Variants in DNAJC3 observed in about 807,000 individuals in gnomAD.
The protein encoded by DNAJC3 is DnaJ heat shock protein family (Hsp40) member C3.
A neutral mutation model predicts 68.6 loss-of-function variants in DNAJC3; 38 were observed. That is an observed-to-expected ratio of 0.55 (90% CI 0.43 to 0.73). DNAJC3 has a LOEUF of 0.73. Ranked by LOEUF, DNAJC3 falls within the 30% of genes least tolerant of loss-of-function variation. The pLI is 0.00. For missense variants in DNAJC3, 526 were observed against 591.9 expected (o/e 0.89, Z 1.16); for synonymous variants, 203 against 204.0 (o/e 1.00, Z 0.04).
At chr13:95,760,938 AC>A in intron 7 of DNAJC3, 140 bp downstream of exon 7, 1 of 1,209,992 alleles carries the variant, frequency 8.3e-7, no homozygotes, top group Non-Finnish European at 1.1e-6. Context: ...TAGCAAAACT[AC>A]CAGAATTGGA....
rs1367405821 is a variant in DNAJC3, at chr13:95,794,513, A to C, written c.*3483A>C. On this transcript the variant is annotated 3_prime_UTR_variant, in exon 12 of 12. Coordinates refer to ENST00000602402, the MANE Select transcript of DNAJC3 (RefSeq NM_006260.5). ...GAAGAAGGCAAATGTTAATTTGCCAACAACGAATATCCTTTTTCTAAATCA... is the reference window on the plus strand; with the variant it reads ...GAAGAAGGCAAATGTTAATTTGCCACCAACGAATATCCTTTTTCTAAATCA... 3 of 152,274 alleles carry C rather than the reference A, an allele frequency of 2.0e-5. No homozygotes were observed. Among genetic ancestry groups the C allele is most frequent in the Non-Finnish European group, 2.9e-5 (2 of 68,048 alleles). The allele number at this position is 152,274 out of a possible 1,614,324, so 9.4% of individuals were successfully genotyped here. A position where few individuals can be genotyped will look rare whatever the true frequency, so the allele number is the denominator to read the frequency against.
chr13:95,694,740 G>T (rs569576952), intron 1 of DNAJC3: 4 of 152,552 alleles, frequency 2.6e-5, no homozygotes, highest in African/African-American at 9.7e-5. Flanking sequence ...CTACACACCG[G>T]ACACCTTAAC....
chr13:95,724,752 G>A (rs1302677708), intron 3 of DNAJC3, among the ~76,000 whole-genome samples: 2 of 152,096 alleles, frequency 1.3e-5, no homozygotes, highest in East Asian at 3.8e-4. Context: ...GGCCTTTTGT[G>A]TCTGACTTCT....
intron 7 of DNAJC3, among the ~76,000 whole-genome samples, chr13:95,761,267 T>C (rs1299736423): frequency 6.6e-6 from 1 of 152,152 alleles, no homozygotes; most frequent in Non-Finnish European, 1.5e-5. Context: ...GAGGAGCTTT[T>C]TTTTTTAGAG....
chr13:95,785,452 CTTTTTTTT>C (rs36052714), intron 9 of DNAJC3, among the ~76,000 whole-genome samples: 3 of 77,926 alleles, frequency 3.8e-5, no homozygotes, highest in African/African-American at 5.4e-5. Flanking sequence ...CCTTTTAAAC[CTTTTTTTT>C]TTTTTTTTTT....
At chr13:95,678,156 G>T (rs1351438686) in intron 1 of DNAJC3, among the ~76,000 whole-genome samples, 1 of 152,178 alleles carries the variant, frequency 6.6e-6, no homozygotes, top group East Asian at 1.9e-4. Context: ...AATTAAAGTT[G>T]ATAGTGCCGA....
intron 7 of DNAJC3, among the ~76,000 whole-genome samples, chr13:95,762,509 A>G (rs914485593): frequency 2.6e-5 from 4 of 152,176 alleles, no homozygotes; most frequent in African/African-American, 7.2e-5. Context: ...AAAGTTTTCT[A>G]TTTTAAAAAA....
chr13:95,684,585 A>T (rs1018218730), intron 1 of DNAJC3, among the ~76,000 whole-genome samples: 3 of 152,246 alleles, frequency 2.0e-5, no homozygotes, highest in African/African-American at 2.4e-5. Context: ...ATGAATTTGC[A>T]TAAGTAAAGA....
chr13:95,779,360 G>A (rs747222572), intron 9 of DNAJC3, among the ~76,000 whole-genome samples: 28 of 151,932 alleles, frequency 1.8e-4, no homozygotes, highest in Non-Finnish European at 1.2e-4. Flanking sequence ...TCCTGACCTC[G>A]TGATCTGCCC....
chr13:95,781,162 G>C (rs1177394938), intron 9 of DNAJC3, among the ~76,000 whole-genome samples: 1 of 152,026 alleles, frequency 6.6e-6, no homozygotes, highest in Non-Finnish European at 1.5e-5. Context: ...ACCGCTTTTT[G>C]TTTGTTCCAG....
In DNAJC3 at chr13:95,749,294, G is replaced by T. The variant is rs759540838; in HGVS notation, c.394-8350G>T. Among the ~76,000 whole-genome samples, 3 of 152,202 alleles carry T rather than the reference G, an allele frequency of 2.0e-5. No individual in the cohort carries two copies. In the East Asian group the frequency reaches 5.8e-4, roughly 29 times the overall value. On this transcript the variant is annotated intron_variant, in intron 4 of 11. Transcript: ENST00000602402. ...CCCATAACACAAATGAAGTGTGCTA[G>T]ACCATTCTTGTGTATGTATGATCAT...
In DNAJC3 at chr13:95,722,968, C is replaced by CT. The variant is rs1400113869; in HGVS notation, c.194-266dup. ...GTCTTATGTTTTTCTTTTGTTCTTT[C>CT]TTTTTTTTGGGCAACTTTTAAGAAA... On this transcript the variant is annotated intron_variant, in intron 2 of 11. Coordinates refer to ENST00000602402, the MANE Select transcript of DNAJC3 (RefSeq NM_006260.5). Among the ~76,000 whole-genome samples the CT allele has an allele frequency of 9.9e-5, 15 of 151,626 alleles. No homozygotes were observed. In the East Asian group the frequency reaches 1.7e-3, roughly 18 times the overall value.
At chr13:95,729,641 TC>T (rs1276085391) in intron 4 of DNAJC3, among the ~76,000 whole-genome samples, 3 of 152,110 alleles carry the variant, frequency 2.0e-5, no homozygotes, top group African/African-American at 7.2e-5. Flanking sequence ...GTATAAGAGT[TC>T]CCTTTTCTCT....
chr13:95,686,596 C>T (rs1438375180), intron 1 of DNAJC3, among the ~76,000 whole-genome samples: 7 of 152,146 alleles, frequency 4.6e-5, no homozygotes, highest in African/African-American at 1.4e-4. Flanking sequence ...ATATGGCTAG[C>T]CAATTTTCCC....
intron 2 of DNAJC3, 93 bp from the exon 3 acceptor site, chr13:95,723,149 T>C: frequency 1.8e-6 from 2 of 1,139,506 alleles, no homozygotes; most frequent in Non-Finnish European, 2.4e-6. Flanking sequence ...CTTAGTAGAG[T>C]TGCAAGTGCT....
At chr13:95,764,683 T>TATATATACACAC (rs36030034) in intron 9 of DNAJC3, among the ~76,000 whole-genome samples, 2 of 88,262 alleles carry the variant, frequency 2.3e-5, no homozygotes, top group Admixed American at 1.4e-4. Flanking sequence ...TATATATATA[T>TATATATACACAC]ACACACACAC....
intron 4 of DNAJC3, among the ~76,000 whole-genome samples, chr13:95,736,568 T>A (rs1340826039): frequency 2.0e-5 from 3 of 150,580 alleles, no homozygotes; most frequent in Non-Finnish European, 4.4e-5. Flanking sequence ...CTAGGTATTT[T>A]ATTCTCTTTG....
At position 95,793,064 on chromosome 13, in the gene DNAJC3, T is replaced by A. The variant is rs907880355; in HGVS notation, c.*2034T>A. 3 of 148,400 alleles carry A rather than the reference T, an allele frequency of 2.0e-5. No homozygotes were observed. The highest frequency in any genetic ancestry group is 4.4e-5 in the Non-Finnish European group (3 of 68,028). The allele number at this position is 148,400 out of a possible 1,614,324, so 9.2% of individuals were successfully genotyped here. On this transcript the variant is annotated 3_prime_UTR_variant, in exon 12 of 12. Coordinates refer to ENST00000602402, the MANE Select transcript of DNAJC3 (RefSeq NM_006260.5). ...GCCCAGAGGCTTGTTTGCATTTTCA[T>A]TTTTTCTCCACTTGTAACAACCATA...
Position 95,791,379 on chromosome 13 carries a change from A to C in DNAJC3, c.*349A>C, listed in dbSNP as rs947767816. ...TCTTCTCTTCACAGCCTTGCAGAGT[A>C]AGTCAGTGCCTACAAGTGTAAGAAG... On this transcript the variant is annotated 3_prime_UTR_variant, in exon 12 of 12. Coordinates refer to ENST00000602402, the MANE Select transcript of DNAJC3 (RefSeq NM_006260.5). 3.5e-6 allele frequency: 1 copy of C among 285,390 alleles called. No homozygotes were observed. Among genetic ancestry groups the C allele is most frequent in the Non-Finnish European group, 6.7e-6 (1 of 149,724 alleles). The allele number at this position is 285,390 out of a possible 1,614,324, so 17.7% of individuals were successfully genotyped here. A position where few individuals can be genotyped will look rare whatever the true frequency, so the allele number is the denominator to read the frequency against.
Sources: allele counts gnomAD v4.1 joint callset (sites outside exome capture counted in the v4.1 genomes callset), GRCh38; gene constraint gnomAD v4.1.1; transcripts MANE v1.5; gene names NCBI Gene and HGNC (gene_info 2026-07-23, HGNC 2026-07-21).